The following P2RX6 variants were observed in gnomAD, a reference collection of about 807,000 sequenced individuals.
P2RX6 encodes the protein purinergic receptor P2X 6.
A neutral mutation model predicts 54.2 loss-of-function variants in P2RX6; 62 were observed. The observed-to-expected ratio is 1.14, with a 90% CI of 0.93 to 1.41. P2RX6 has a LOEUF of 1.41. Among genes scored for constraint, P2RX6 ranks in the 40% most tolerant of loss-of-function variants. The pLI, the probability that P2RX6 is intolerant of heterozygous loss-of-function variation, is 0.00. For synonymous variants in P2RX6, 211 were observed against 231.9 expected, an observed-to-expected ratio of 0.91 and a Z score of 0.82; for missense variants, 541 against 566.3, an observed-to-expected ratio of 0.96 and a Z score of 0.45.
chr22:21,023,386 T>C lies in P2RX6; in HGVS notation c.750T>C (p.Ala250=). 6.2e-7 allele frequency: 1 copy of C among 1,613,982 alleles called. No homozygotes were observed. Among genetic ancestry groups the C allele is most frequent in the Non-Finnish European group, 8.5e-7 (1 of 1,179,884 alleles). The change falls in exon 7 of 12, where the codon GCT becomes GCC. Residue 250 remains alanine (A), a synonymous_variant. Transcript: ENST00000413302. ...VFRIGDLVAK[A]GGTFEDLALL... is the part of the protein sequence containing the mutation. Reference sequence around the variant, plus strand: ...GCATTGGGGACCTCGTGGCCAAGGCTGGAGGGACCTTCGAGGACCTGGCGT... The same window carrying C: ...GCATTGGGGACCTCGTGGCCAAGGCCGGAGGGACCTTCGAGGACCTGGCGT...
chr22:21,023,006 G>A lies in P2RX6; in HGVS notation c.528G>A (p.Trp176Ter). ...ACAGGACCTGTGAGATCTGGAGTTG[G>A]TGCCCCGTGGAGAGTGGCGTTGTGC... The part of the protein sequence containing the change: ...GTHRTCEIWS[W>*]CPVESGVVPS... Residue 176 changes from tryptophan to a stop codon, truncating the protein, a stop_gained, in exon 5 of 12, where the codon TGG (tryptophan) becomes TGA (stop). Coordinates refer to ENST00000413302, the MANE Select transcript of P2RX6 (RefSeq NM_005446.5). LOFTEE classifies it high-confidence loss of function. 2 of 1,613,502 alleles carry A rather than the reference G, an allele frequency of 1.2e-6. No individual in the cohort carries two copies. The highest frequency in any genetic ancestry group is 1.7e-6 in the Non-Finnish European group (2 of 1,179,560).
At chr22:21,022,912 A>G in intron 4 of P2RX6, 30 bp from the exon 5 acceptor site, 6 of 1,582,472 alleles carry the variant, frequency 3.8e-6, no homozygotes, top group Non-Finnish European at 5.2e-6. Flanking sequence ...CAGAGATTTG[A>G]AGGTCTGGAG....
At chr22:21,023,453 T>G (rs752809134) in intron 7 of P2RX6, 37 bp downstream of exon 7, 2 of 1,613,858 alleles carry the variant, frequency 1.2e-6, no homozygotes, top group East Asian at 2.2e-5. Context: ...CCTAGAGGGC[T>G]CTGGGAGAGG....
Position 21,024,878 on chromosome 22 carries a change from G to GTTTTTT in P2RX6, c.891-912_891-907dup, listed in dbSNP as rs562371289. On this transcript the variant is annotated intron_variant, in intron 8 of 11. Transcript: ENST00000413302. ...GAGCCACCAAGCCTGTTTTTTTTGTGTTTTTTTTTTTTTTTTTTTTAGATG... is the reference window on the plus strand; with the variant it reads ...GAGCCACCAAGCCTGTTTTTTTTGTGTTTTTTTTTTTTTTTTTTTTTTTTTTAGATG... Among the ~76,000 whole-genome samples, 52 of 110,752 alleles carry GTTTTTT rather than the reference G, an allele frequency of 4.7e-4. 3 individuals are homozygous for GTTTTTT. The highest frequency in any genetic ancestry group is 3.3e-3 in the Admixed American group (30 of 9,144). 72.7% of individuals were successfully genotyped at this position (110,752 alleles called of 152,430 possible).
chr22:21,021,025 T>C (rs1251234579), intron 3 of P2RX6, among the ~76,000 whole-genome samples: 2 of 152,130 alleles, frequency 1.3e-5, no homozygotes, highest in African/African-American at 4.8e-5. Context: ...TGCCACTGGG[T>C]GGAGCTGAAG....
intron 2 of P2RX6, 118 bp from the exon 3 acceptor site, chr22:21,017,871 G>T (rs2073597): frequency 0.16 from 118,529 of 723,602 alleles, 11,771 homozygotes; most frequent in African/African-American, 0.37. Context: ...CTTACAGGGG[G>T]ACAGGGTTAA....
Position 21,025,885 on chromosome 22 carries a change from T to A in P2RX6, c.971T>A (p.Leu324His). Residue 324 changes from leucine (L) to histidine (H), a missense_variant, in exon 9 of 12, where the codon CTC (leucine) becomes CAC (histidine). By Grantham distance (99) the Leu-to-His change is moderately conservative. Around this residue, in one of 2 missense-constraint regions of P2RX6, gnomAD observed 526 missense variants for 531.5 expected, o/e 0.99. Transcript: ENST00000413302. ...LKLYGIRFDI[L>H]VTGQAGKFGL... ...CTCTATGGAATCCGCTTCGACATCC[T>A]CGTCACCGGGCAGGTAGGCACAGGT... The A allele has an allele frequency of 6.3e-7, 1 of 1,577,056 alleles. No individual in the cohort carries two copies. The highest frequency in any genetic ancestry group is 8.6e-7 in the Non-Finnish European group (1 of 1,161,936).
chr22:21,010,465 A>G (rs1373983773), upstream of P2RX6: 3 of 152,032 alleles, frequency 2.0e-5, no homozygotes, highest in African/African-American at 7.3e-5. Flanking sequence ...GTCTGGTGCC[A>G]CCCCACTCCC....
chr22:21,013,430 A>C (rs1925883108), upstream of P2RX6, among the ~76,000 whole-genome samples: 1 of 152,208 alleles, frequency 6.6e-6, no homozygotes, highest in African/African-American at 2.4e-5. Context: ...GCGAGATAAA[A>C]AATTATTTAA....
At chr22:21,015,370 G>C (rs758925928) in intron 1 of P2RX6, 32 bp downstream of exon 1, 15 of 1,535,138 alleles carry the variant, frequency 9.8e-6, no homozygotes, top group African/African-American at 7.2e-5. Flanking sequence ...CCAGGCTGGA[G>C]GGGCAAGGGA....
rs911101085 is a variant in P2RX6 at position 21,017,482 on chromosome 22, G to A, written c.316-507G>A. 6.6e-5 allele frequency among the ~76,000 whole-genome samples: 10 copies of A among 152,156 alleles called. No homozygotes were observed. In the East Asian group the frequency reaches 7.7e-4, roughly 12 times the overall value. ...GTGTGTGAGATGGGAGACTCACCTC[G>A]TCTCCATCCTGAGCAGGTGCTGGGC... On this transcript the variant is annotated intron_variant, in intron 2 of 11. Transcript: ENST00000413302.
chr22:21,020,258 C>T (rs560346263), intron 3 of P2RX6, among the ~76,000 whole-genome samples: 1 of 152,232 alleles, frequency 6.6e-6, no homozygotes, highest in Admixed American at 6.5e-5. Flanking sequence ...TCTGGCTCTT[C>T]CCATGAAACG....
chr22:21,015,859 G>T, intron 1 of P2RX6, 83 bp from the exon 2 acceptor site: 1 of 1,403,334 alleles, frequency 7.1e-7, no homozygotes, highest in Non-Finnish European at 9.7e-7. Flanking sequence ...GGTGTGGGGG[G>T]AGAACTGAGC....
At chr22:21,011,635 G>C, upstream of P2RX6, 1 of 706,662 alleles carries the variant, frequency 1.4e-6, no homozygotes, top group Non-Finnish European at 2.6e-6. Context: ...GCAAAGCCAG[G>C]TACCACCCCC....
At position 21,023,087 on chromosome 22, in the gene P2RX6, G is replaced by A. The variant is rs765970416; in HGVS notation, c.558-31G>A. On this transcript the variant is annotated intron_variant, in intron 5 of 11. Transcript: ENST00000413302. ...CAACTGGCGCAGGGCCCCAGGCCTGGCAGAGGCTGTCACCTCCCTTCCACC... is the reference window on the plus strand; with the variant it reads ...CAACTGGCGCAGGGCCCCAGGCCTGACAGAGGCTGTCACCTCCCTTCCACC... The A allele has an allele frequency of 3.7e-6, 6 of 1,612,884 alleles. No homozygotes were observed. In the South Asian group the frequency reaches 6.6e-5, roughly 18 times the overall value.
Position 21,026,129 on chromosome 22 carries a change from G to A in P2RX6, c.1050+53G>A. On this transcript the variant is annotated intron_variant, in intron 10 of 11. Transcript: ENST00000413302. The surrounding 1 kb of genome is among the most constrained non-coding windows in gnomAD (Gnocchi z 4.0). ...AGGCTGCAGTGAGTGCTGCTGACCA[G>A]GGTGTGTCCAATGCATGCTGGAGCC... The A allele has an allele frequency of 6.4e-7, 1 of 1,568,836 alleles. No homozygotes were observed. The highest frequency in any genetic ancestry group is 8.7e-7 in the Non-Finnish European group (1 of 1,153,262).
At chr22:21,022,893 C>T (rs1270842116) in intron 4 of P2RX6, 49 bp from the exon 5 acceptor site, 2 of 1,555,568 alleles carry the variant, frequency 1.3e-6, no homozygotes, top group East Asian at 4.5e-5. Flanking sequence ...GAAGGCCTCC[C>T]CAGGCCTGCA....
chr22:21,016,785 G>A (rs1364897773), intron 2 of P2RX6, among the ~76,000 whole-genome samples: 4 of 152,060 alleles, frequency 2.6e-5, no homozygotes, highest in East Asian at 1.9e-4. Context: ...TCTCGGCTGC[G>A]TTTTCCTCCT....
chr22:21,019,645 G>A (rs918233776), intron 3 of P2RX6, among the ~76,000 whole-genome samples: 2 of 152,212 alleles, frequency 1.3e-5, no homozygotes, highest in Non-Finnish European at 2.9e-5. Flanking sequence ...CGGTGCTAAA[G>A]GAATTAAAGA....
Sources: allele counts gnomAD v4.1 joint callset (sites outside exome capture counted in the v4.1 genomes callset), GRCh38; gene constraint gnomAD v4.1.1; regional missense constraint gnomAD v4.1.1; non-coding constraint Gnocchi (gnomAD v3.1); transcripts MANE v1.5; gene names NCBI Gene and HGNC (gene_info 2026-07-23, HGNC 2026-07-21).